The following ROBO2 variants were observed in gnomAD, a reference collection of about 807,000 sequenced individuals.
ROBO2 encodes the protein roundabout guidance receptor 2, also known as roundabout homolog 2.
Under a neutral mutation model 160.8 loss-of-function variants are expected in ROBO2, and 53 were observed. The ratio of observed to expected loss-of-function variants is 0.33; its 90% CI spans 0.26 to 0.41. The LOEUF is 0.41. Among genes scored for constraint, ROBO2 ranks in the 10% least tolerant of loss-of-function variants. ROBO2 has a pLI of 1.00. For synonymous variants in ROBO2, 664 were observed against 611.7 expected (o/e 1.09, Z -1.26); for missense variants, 1,577 against 1,722.4 (o/e 0.92, Z 1.49).
chr3:76,288,612 T>G (rs1708648078), intron 2 of ROBO2, among the ~76,000 whole-genome samples: 1 of 152,080 alleles, frequency 6.6e-6, no homozygotes, highest in Admixed American at 6.6e-5. Flanking sequence ...GCACAGCACC[T>G]GAGAGTTTTC....
chr3:77,577,399 T>G (rs1005561292), intron 14 of ROBO2, 91 bp from the exon 16 acceptor site: 2 of 1,563,360 alleles, frequency 1.3e-6, no homozygotes, highest in African/African-American at 1.4e-5. Context: ...CAGAGTCTCC[T>G]GCAACTTGTC....
intron 2 of ROBO2, among the ~76,000 whole-genome samples, chr3:76,589,910 AAATT>A (rs2086305496): frequency 6.6e-6 from 1 of 152,204 alleles, no homozygotes; most frequent in South Asian, 2.1e-4. Flanking sequence ...ATTTAAAAAT[AAATT>A]AATTTGACTA....
intron 2 of ROBO2, among the ~76,000 whole-genome samples, chr3:76,141,153 CTCTCTCTATATATATATA>C (rs1207209870): frequency 2.9e-5 from 1 of 34,676 alleles, no homozygotes; most frequent in African/African-American, 1.3e-4. Flanking sequence ...CTCTCTCTCT[CTCTCTCTATATATATATA>C]TATATATATA....
intron 2 of ROBO2, among the ~76,000 whole-genome samples, chr3:76,423,493 G>A (rs1021117174): frequency 2.6e-4 from 40 of 152,134 alleles, no homozygotes; most frequent in African/African-American, 9.4e-4. Flanking sequence ...TAGAAAAGAG[G>A]TAGAGGCAAA....
At chr3:77,057,349 A>T (rs2065856524) in intron 1 of ROBO2, among the ~76,000 whole-genome samples, 1 of 152,082 alleles carries the variant, frequency 6.6e-6, no homozygotes, top group Non-Finnish European at 1.5e-5. Context: ...ATTAGGAGAT[A>T]TACCTAATGT....
At chr3:77,200,267 T>A (rs199587340) in intron 2 of ROBO2, among the ~76,000 whole-genome samples, 628 of 46,428 alleles carry the variant, frequency 0.014, 23 homozygotes, top group East Asian at 0.089. Flanking sequence ...CTAACATATT[T>A]TATATATATA....
intron 2 of ROBO2, among the ~76,000 whole-genome samples, chr3:76,009,918 T>G (rs753674432): frequency 6.6e-6 from 1 of 152,254 alleles, no homozygotes; most frequent in Non-Finnish European, 1.5e-5. Flanking sequence ...ACTTAATTGA[T>G]GAAAAGCTTT....
chr3:76,391,313 A>G (rs1175609756), intron 2 of ROBO2, among the ~76,000 whole-genome samples: 1 of 152,144 alleles, frequency 6.6e-6, no homozygotes, highest in Non-Finnish European at 1.5e-5. Context: ...TGAGACTAAG[A>G]CCGATTATGA....
intron 2 of ROBO2, among the ~76,000 whole-genome samples, chr3:76,897,763 A>G (rs979425137): frequency 6.7e-6 from 1 of 149,732 alleles, no homozygotes; most frequent in Non-Finnish European, 1.5e-5. Flanking sequence ...TATGAAGTTT[A>G]TATGTTACTG....
intron 2 of ROBO2, among the ~76,000 whole-genome samples, chr3:76,327,193 A>T (rs889176675): frequency 6.6e-6 from 1 of 152,140 alleles, no homozygotes; most frequent in Admixed American, 6.6e-5. Context: ...TAAATGACTA[A>T]TGTGCTTTCA....
chr3:77,099,074 T>TTTC (rs2071535137), intron 2 of ROBO2, among the ~76,000 whole-genome samples: 3 of 128,420 alleles, frequency 2.3e-5, no homozygotes, highest in East Asian at 2.0e-4. Context: ...TTTCTTTCTT[T>TTTC]TTTTTTTTTT....
chr3:77,111,977 C>A (rs1037136368), intron 2 of ROBO2, among the ~76,000 whole-genome samples: 2 of 151,786 alleles, frequency 1.3e-5, no homozygotes, highest in Admixed American at 1.3e-4. Flanking sequence ...TTTGGGAGGC[C>A]GAGGTGGGCG....
chr3:77,541,415 T>A (rs562119015), intron 6 of ROBO2, among the ~76,000 whole-genome samples: 1 of 152,358 alleles, frequency 6.6e-6, no homozygotes, highest in South Asian at 2.1e-4. Context: ...GCAGCGTGAC[T>A]TTGATTGAAG....
At chr3:77,575,081 CTCT>C (rs955268320) in intron 14 of ROBO2, among the ~76,000 whole-genome samples, 1 of 152,036 alleles carries the variant, frequency 6.6e-6, no homozygotes, top group Non-Finnish European at 1.5e-5. Flanking sequence ...ATTGTGACTA[CTCT>C]TCTTTTGTTA....
In ROBO2 at chr3:76,164,121, A is replaced by G. The variant is rs148898793; in HGVS notation, c.109+226519A>G. Among the ~76,000 whole-genome samples, 16 of 152,310 alleles carry G rather than the reference A, an allele frequency of 1.1e-4. No individual in the cohort carries two copies. The East Asian group carries it at 3.1e-3, about 29-fold the overall frequency. ...CAACAATGTGCACAGCATTTTCACC[A>G]TGAATAGACCACTCTCTTTGCTCAT... On this transcript the variant is annotated intron_variant, in intron 2 of 26. Coordinates refer to the ROBO2 transcript ENST00000487694.
intron 2 of ROBO2, among the ~76,000 whole-genome samples, chr3:76,274,130 G>A (rs184575428): frequency 6.6e-5 from 10 of 152,208 alleles, no homozygotes; most frequent in East Asian, 1.9e-4. Context: ...AAATGTTATC[G>A]TGAGTTTTGG....
chr3:76,495,532 C>A (rs967005104), intron 2 of ROBO2, among the ~76,000 whole-genome samples: 1 of 151,918 alleles, frequency 6.6e-6, no homozygotes, highest in Non-Finnish European at 1.5e-5. Context: ...CAATCTTTCT[C>A]CATTCTAGTA....
chr3:76,545,177 AT>A (rs2083028569), intron 2 of ROBO2, among the ~76,000 whole-genome samples: 2 of 152,048 alleles, frequency 1.3e-5, no homozygotes, highest in South Asian at 2.1e-4. Context: ...GGATACTTCG[AT>A]TTTTCTCTAG....
intron 2 of ROBO2, among the ~76,000 whole-genome samples, chr3:77,319,756 G>A (rs966795200): frequency 1.8e-4 from 28 of 152,076 alleles, no homozygotes; most frequent in Non-Finnish European, 1.0e-4. Flanking sequence ...CATTCTCCAG[G>A]TATATATGAA....
Sources: gnomAD v4.1 joint callset for allele counts (sites outside exome capture counted in the v4.1 genomes callset) on GRCh38, gnomAD v4.1.1 for gene constraint, MANE v1.5 for transcripts, NCBI Gene and HGNC (gene_info 2026-07-23, HGNC 2026-07-21) for gene names.